KIF5C: variants seen among roughly 807,000 people sequenced by gnomAD.
KIF5C encodes the protein kinesin family member 5C.
In KIF5C, 18 loss-of-function variants were observed where a neutral mutation model predicts 125.2. That is an observed-to-expected ratio of 0.14 (90% confidence interval 0.10 to 0.21). The LOEUF (loss-of-function observed/expected upper bound fraction) is 0.21, where lower values mean the gene tolerates loss of function less well. Among genes scored for constraint, KIF5C ranks in the 10% least tolerant of loss-of-function variants. The probability of loss-of-function intolerance (pLI) is 1.00; values close to 1 mark genes in which losing one functional copy is unlikely to be tolerated. For synonymous variants in KIF5C, 405 were observed against 434.0 expected (o/e 0.93, Z 0.83); for missense variants, 780 against 1,183.8 (o/e 0.66, Z 5.01).
intron 11 of KIF5C, among the ~76,000 whole-genome samples, chr2:148,967,968 C>A (rs13386099): frequency 0.18 from 27,192 of 152,034 alleles, 4,108 homozygotes; most frequent in African/African-American, 0.41. Flanking sequence ...ATGGGGAGGG[C>A]GGGGTGAAGT....
intron 1 of KIF5C, among the ~76,000 whole-genome samples, chr2:148,896,993 C>T (rs73007581): frequency 0.012 from 1,882 of 152,144 alleles, 44 homozygotes; most frequent in African/African-American, 0.043. Context: ...CCACTACATC[C>T]GGCTAATTTT....
At chr2:149,005,791 G>A (rs1681988700) in intron 22 of KIF5C, among the ~76,000 whole-genome samples, 1 of 152,206 alleles carries the variant, frequency 6.6e-6, no homozygotes, top group Admixed American at 6.5e-5. Context: ...ATTTCAGAAA[G>A]CATTGCCCAG....
intron 1 of KIF5C, among the ~76,000 whole-genome samples, chr2:148,921,261 TC>T (rs1681774820): frequency 6.6e-6 from 1 of 152,030 alleles, no homozygotes; most frequent in African/African-American, 2.4e-5. Context: ...TCAAACCAAA[TC>T]CCAAGACCAC....
At chr2:148,998,555 G>T (rs367976424) in intron 19 of KIF5C, 46 bp downstream of exon 19, 3 of 1,549,172 alleles carry the variant, frequency 1.9e-6, no homozygotes, top group Non-Finnish European at 2.6e-6. Context: ...GTCATGCCTC[G>T]GTCCTCTTGG....
At chr2:148,915,078 G>C (rs1351548202) in intron 1 of KIF5C, among the ~76,000 whole-genome samples, 1 of 152,184 alleles carries the variant, frequency 6.6e-6, no homozygotes, top group East Asian at 1.9e-4. Flanking sequence ...CAGATAAATG[G>C]GAAGGTAGGT....
At chr2:148,922,965 C>T (rs1052927474) in intron 2 of KIF5C, among the ~76,000 whole-genome samples, 1 of 152,304 alleles carries the variant, frequency 6.6e-6, no homozygotes, top group Non-Finnish European at 1.5e-5. Flanking sequence ...CTACCTTGTC[C>T]TTTCAAATCA....
At chr2:148,986,741 A>G (rs73009541) in intron 15 of KIF5C, among the ~76,000 whole-genome samples, 5,520 of 152,246 alleles carry the variant, frequency 0.036, 304 homozygotes, top group African/African-American at 0.12. Flanking sequence ...GAAAAATATG[A>G]CTATTGGAGC....
chr2:148,962,088 T>A lies in KIF5C; in HGVS notation c.1086T>A (p.His362Gln). 6.2e-7 allele frequency: 1 copy of A among 1,611,982 alleles called. No homozygotes were observed. Among genetic ancestry groups the A allele is most frequent in the Non-Finnish European group, 8.5e-7 (1 of 1,178,902 alleles). Residue 362 changes from histidine to glutamine, a missense_variant, in exon 11 of 26, where the codon CAT becomes CAA. Transcript: ENST00000435030. ...AGACTTTGAAGAATGTTATCCAGCA[T>A]CTGGAGATGGAGCTAAACAGGTGGA... ...KNKTLKNVIQ[H>Q]LEMELNRWRN...
At chr2:149,016,834 G>A (rs1421838734) in intron 25 of KIF5C, among the ~76,000 whole-genome samples, 1 of 152,076 alleles carries the variant, frequency 6.6e-6, no homozygotes, top group Non-Finnish European at 1.5e-5. Context: ...AGAAAAGGTG[G>A]GCACAGCAGA....
intron 12 of KIF5C, among the ~76,000 whole-genome samples, chr2:148,976,010 C>T (rs1211786274): frequency 6.6e-6 from 1 of 152,096 alleles, no homozygotes; most frequent in Non-Finnish European, 1.5e-5. Context: ...AGCAGAGACA[C>T]AATGTGAACA....
At chr2:148,953,489 A>T (rs1295554804) in intron 10 of KIF5C, among the ~76,000 whole-genome samples, 1 of 152,240 alleles carries the variant, frequency 6.6e-6, no homozygotes, top group African/African-American at 2.4e-5. Flanking sequence ...ACCCAATTAT[A>T]CAGCAGACAC....
At chr2:148,993,916 T>A (rs764034408) in intron 16 of KIF5C, among the ~76,000 whole-genome samples, 4 of 151,886 alleles carry the variant, frequency 2.6e-5, no homozygotes, top group Non-Finnish European at 4.4e-5. Flanking sequence ...GTGTGTGGCA[T>A]GTGGTGGGGT....
At chr2:148,961,926 A>C in intron 10 of KIF5C, 45 bp from the exon 11 acceptor site, 1 of 1,587,316 alleles carries the variant, frequency 6.3e-7, no homozygotes, top group Non-Finnish European at 8.6e-7. Flanking sequence ...GGTTTAGCTA[A>C]TGGTAATAAT....
At chr2:148,884,971 G>GTTT (rs11319928) in intron 1 of KIF5C, among the ~76,000 whole-genome samples, 9 of 104,292 alleles carry the variant, frequency 8.6e-5, no homozygotes, top group African/African-American at 3.1e-4. Context: ...TGTCCTAATT[G>GTTT]TTTTTTTTTT....
intron 12 of KIF5C, among the ~76,000 whole-genome samples, chr2:148,976,837 TC>T (rs772664217): frequency 9.8e-4 from 150 of 152,314 alleles, no homozygotes; most frequent in Non-Finnish European, 1.9e-3. Flanking sequence ...TGCCTTGGCC[TC>T]CCAAAGTGCT....
intron 4 of KIF5C, among the ~76,000 whole-genome samples, chr2:148,940,579 G>A (rs1020837430): frequency 3.3e-5 from 5 of 152,184 alleles, no homozygotes; most frequent in Non-Finnish European, 5.9e-5. Flanking sequence ...CTGGGATGTA[G>A]GGATGAGGTT....
intron 22 of KIF5C, among the ~76,000 whole-genome samples, chr2:149,006,221 G>A (rs1682002923): frequency 6.6e-6 from 1 of 152,206 alleles, no homozygotes; most frequent in Non-Finnish European, 1.5e-5. Flanking sequence ...ACGTGTGTGT[G>A]TGAATGTGTG....
chr2:148,978,203 C>T lies in KIF5C; in HGVS notation c.1294-719C>T, dbSNP rs569529284. Among the ~76,000 whole-genome samples, 292 of 152,052 alleles carry T rather than the reference C, an allele frequency of 1.9e-3. 1 individual carries two copies. The highest frequency in any genetic ancestry group is 6.7e-3 in the African/African-American group (277 of 41,478). On this transcript the variant is annotated intron_variant, in intron 12 of 25. Transcript: ENST00000435030. ...AGGGGAGGTGGGGAGAGGTGGGCAG[C>T]GAATACCCTTGCTTTTGTGGCAGCA...
chr2:148,907,378 G>A (rs1471712489), intron 1 of KIF5C, among the ~76,000 whole-genome samples: 1 of 152,214 alleles, frequency 6.6e-6, no homozygotes, highest in Non-Finnish European at 1.5e-5. Context: ...CAGACGCAGT[G>A]GCATTAATGC....
Sources: gnomAD v4.1 joint callset for allele counts (sites outside exome capture counted in the v4.1 genomes callset) on GRCh38, gnomAD v4.1.1 for gene constraint, MANE v1.5 for transcripts, NCBI Gene and HGNC (gene_info 2026-07-23, HGNC 2026-07-21) for gene names.